ODF2: variants seen among roughly 807,000 people sequenced by gnomAD.
The protein encoded by ODF2 is outer dense fiber protein 2.
ODF2 carries 47 observed loss-of-function variants against 110.2 expected under a neutral mutation model. The ratio of observed to expected loss-of-function variants is 0.43; its 90% CI spans 0.34 to 0.54. ODF2 has a LOEUF of 0.54. Ranked by LOEUF, ODF2 falls within the 20% of genes least tolerant of loss-of-function variation. ODF2 has a pLI of 0.03. For missense variants in ODF2, 812 were observed against 1,054.5 expected (o/e 0.77, Z 3.19); for synonymous variants, 352 against 397.7 (o/e 0.89, Z 1.37).
At chr9:128,470,922 T>G (rs1214444644) in intron 5 of ODF2, among the ~76,000 whole-genome samples, 14 of 151,770 alleles carry the variant, frequency 9.2e-5, no homozygotes, top group African/African-American at 1.9e-4. Flanking sequence ...TTTGTTTTTT[T>G]TTTTTTGAGA....
intron 1 of ODF2, chr9:128,457,063 GGT>G: frequency 7.6e-7 from 1 of 1,309,360 alleles, no homozygotes; most frequent in Non-Finnish European, 9.9e-7. Context: ...GGTTTCCCCC[GGT>G]AGCCACCGGC....
intron 14 of ODF2, 70 bp from the exon 15 acceptor site, chr9:128,492,356 A>T: frequency 9.8e-7 from 1 of 1,021,126 alleles, no homozygotes; most frequent in Non-Finnish European, 1.6e-6. Flanking sequence ...TTCTTTGGAT[A>T]GAGTTGAGGG....
chr9:128,476,620 A>G (rs932921936), intron 8 of ODF2, among the ~76,000 whole-genome samples: 5 of 148,684 alleles, frequency 3.4e-5, no homozygotes, highest in African/African-American at 1.2e-4. Flanking sequence ...TTGTTTTAAC[A>G]TTGTCAACCT....
In ODF2 at chr9:128,468,921, G is replaced by T. The variant is rs1839012733; in HGVS notation, c.250-262G>T. 19 of 415,284 alleles carry T rather than the reference G, an allele frequency of 4.6e-5. No homozygotes were observed. In the South Asian group the frequency reaches 6.9e-4, roughly 15 times the overall value. The allele number at this position is 415,284 out of a possible 1,614,324, so 25.7% of individuals were successfully genotyped here. ...GCCTCCCAATATACTGGTTTTACAG[G>T]GTATCCAGCCTATGTTCTTTATTTT... On this transcript the variant is annotated intron_variant, in intron 4 of 20. Transcript: ENST00000604420.
In ODF2 at chr9:128,471,289, C is replaced by G. The variant is rs1839945159; in HGVS notation, c.421-19C>G. 2.5e-6 allele frequency: 4 copies of G among 1,589,676 alleles called. No homozygotes were observed. Among genetic ancestry groups the G allele is most frequent in the Non-Finnish European group, 3.4e-6 (4 of 1,171,128 alleles). On this transcript the variant is annotated intron_variant, in intron 5 of 20. Coordinates refer to ENST00000604420, the Ensembl canonical transcript of ODF2. ...AAGGACCTCCCTTCAGTGGCCCCTG[C>G]CTGGGTCCCCCTGCTCAGGTCAAGA...
intron 14 of ODF2, among the ~76,000 whole-genome samples, chr9:128,490,652 T>C (rs1331311050): frequency 6.6e-6 from 1 of 152,196 alleles, no homozygotes; most frequent in Non-Finnish European, 1.5e-5. Context: ...AGAAATGTGA[T>C]GTAGACATGA....
At chr9:128,488,449 C>A (rs531628871) in intron 14 of ODF2, among the ~76,000 whole-genome samples, 15 of 152,154 alleles carry the variant, frequency 9.9e-5, no homozygotes, top group African/African-American at 3.4e-4. Context: ...AGCCTGGATT[C>A]AAGTCCTTAC....
intron 11 of ODF2, among the ~76,000 whole-genome samples, chr9:128,484,365 C>T (rs577267684): frequency 6.6e-6 from 1 of 152,212 alleles, no homozygotes; most frequent in South Asian, 2.1e-4. Context: ...TCTTTGTAGC[C>T]CAGGGGTCCT....
intron 3 of ODF2, 68 bp downstream of exon 2, chr9:128,459,725 C>G (rs1835915465): frequency 8.2e-7 from 1 of 1,215,100 alleles, no homozygotes; most frequent in African/African-American, 1.5e-5. Context: ...CACACCGTTT[C>G]TAGGAGGTGC....
At chr9:128,491,732 T>G (rs1378625030) in intron 14 of ODF2, among the ~76,000 whole-genome samples, 1 of 152,110 alleles carries the variant, frequency 6.6e-6, no homozygotes, top group Non-Finnish European at 1.5e-5. Context: ...GGAAAAACTA[T>G]GTTACATAGC....
At chr9:128,481,932 G>A (rs1020134589) in intron 9 of ODF2, among the ~76,000 whole-genome samples, 1 of 152,148 alleles carries the variant, frequency 6.6e-6, no homozygotes, top group Non-Finnish European at 1.5e-5. Flanking sequence ...GTTAAAGCTG[G>A]ATTTCCATCA....
exon 21 of ODF2, chr9:128,500,457 G>A: frequency 1.8e-6 from 1 of 566,318 alleles, no homozygotes; most frequent in East Asian, 2.8e-5. Flanking sequence ...TCCTGATATA[G>A]TCACCTGTTG....
At chr9:128,495,191 T>G in intron 17 of ODF2, among the ~76,000 whole-genome samples, 1 of 152,266 alleles carries the variant, frequency 6.6e-6, no homozygotes, top group African/African-American at 2.4e-5. Context: ...ATTTGCAGCG[T>G]GACCTTGGGC....
exon 14 of ODF2, chr9:128,488,007 G>A (rs770280919): frequency 6.2e-7 from 1 of 1,613,970 alleles, no homozygotes; most frequent in Non-Finnish European, 8.5e-7. Context: ...CATTCAAGCT[G>A]GAGAATGAGA....
chr9:128,485,047 G>A lies in ODF2; in HGVS notation c.1290+161G>A. The A allele has an allele frequency of 1.3e-6, 1 of 752,114 alleles. No homozygotes were observed. Among genetic ancestry groups the A allele is most frequent in the Non-Finnish European group, 2.2e-6 (1 of 454,978 alleles). The allele number at this position is 752,114 out of a possible 1,614,324, so 46.6% of individuals were successfully genotyped here. A position where few individuals can be genotyped will look rare whatever the true frequency, so the allele number is the denominator to read the frequency against. On this transcript the variant is annotated intron_variant, in intron 12 of 20. Transcript: ENST00000604420. This position sits in a 1 kb window ranked among gnomAD's most constrained non-coding sequence, Gnocchi z 5.0. ...GGGGAGGAGGGAGAGGGAGTTAAGGGGATCAAATGGGTAAAAGCTGGAGGG... is the reference window on the plus strand; with the variant it reads ...GGGGAGGAGGGAGAGGGAGTTAAGGAGATCAAATGGGTAAAAGCTGGAGGG...
Position 128,485,449 on chromosome 9 carries a change from G to A in ODF2, c.1375G>A (p.Glu459Lys). ...AGTTGTAAAAGAAAAGGGAGACCTT[G>A]AGCTGGAAATTATTGTCCTGAATGA... The change falls in exon 13 of 21, where the codon GAG (glutamate) becomes AAG (lysine). Residue 459 changes from glutamate to lysine, a missense_variant. Physicochemically the swap from Glu to Lys is moderately conservative, Grantham distance 56 (BLOSUM62 1). Around this residue, in one of 5 missense-constraint regions of ODF2, gnomAD observed 165 missense variants for 293.4 expected, o/e 0.56. Transcript: ENST00000604420. The surrounding 1 kb of genome is among the most constrained non-coding windows in gnomAD (Gnocchi z 5.0). 6.2e-7 allele frequency: 1 copy of A among 1,600,712 alleles called. No homozygotes were observed. Among genetic ancestry groups the A allele is most frequent in the Non-Finnish European group, 8.6e-7 (1 of 1,168,084 alleles).
At chr9:128,492,784 G>A in exon 16 of ODF2, 1 of 1,614,064 alleles carries the variant, frequency 6.2e-7, no homozygotes, top group Non-Finnish European at 8.5e-7. Flanking sequence ...TTAAAGATGA[G>A]ATGAACAAAG....
chr9:128,485,321 C>G lies in ODF2; in HGVS notation c.1291-44C>G, dbSNP rs777693322. 2 of 1,072,340 alleles carry G rather than the reference C, an allele frequency of 1.9e-6. No homozygotes were observed. Among genetic ancestry groups the G allele is most frequent in the South Asian group, 2.6e-5 (2 of 76,720 alleles). 66.4% of individuals were successfully genotyped at this position (1,072,340 alleles called of 1,614,324 possible). The stretch of plus-strand genomic sequence containing the variant: ...CCGCTCCCAGCTCCTGGCAGCCTCA[C>G]CACTGACACTAGGCTAACAGGCCCT... On this transcript the variant is annotated intron_variant, in intron 12 of 20. Transcript: ENST00000604420. This position sits in a 1 kb window ranked among gnomAD's most constrained non-coding sequence, Gnocchi z 5.0.
At chr9:128,469,444 C>G (rs1839155035) in intron 5 of ODF2, 91 bp downstream of exon 5, 1 of 1,371,234 alleles carries the variant, frequency 7.3e-7, no homozygotes, top group Non-Finnish European at 1.0e-6. Flanking sequence ...CAGCCTGCGT[C>G]TGCAGGCCTT....
Sources: gnomAD v4.1 joint callset for allele counts (sites outside exome capture counted in the v4.1 genomes callset) on GRCh38, gnomAD v4.1.1 for gene constraint, gnomAD v4.1.1 regional missense constraint, Gnocchi (gnomAD v3.1) non-coding constraint, MANE v1.5 for transcripts, NCBI Gene and HGNC (gene_info 2026-07-23, HGNC 2026-07-21) for gene names.